IPPK: variants seen among roughly 807,000 people sequenced by gnomAD.
IPPK encodes IPK1 homolog.
In IPPK, 22 loss-of-function variants were observed where a neutral mutation model predicts 64.6. The observed-to-expected ratio is 0.34, with a 90% CI of 0.24 to 0.49. The LOEUF (loss-of-function observed/expected upper bound fraction) is 0.49. Ranked by LOEUF, IPPK falls within the 20% of genes least tolerant of loss-of-function variation. The pLI, the probability that IPPK is intolerant of heterozygous loss-of-function variation, is 0.99. For synonymous variants in IPPK, 262 were observed against 247.2 expected (o/e 1.06, Z -0.56); for missense variants, 532 against 630.7 (o/e 0.84, Z 1.68).
intron 4 of IPPK, among the ~76,000 whole-genome samples, chr9:92,650,672 G>A: frequency 6.6e-6 from 1 of 152,152 alleles, no homozygotes. Flanking sequence ...ATAACCATAA[G>A]TAAAACAGTG....
At position 92,635,361 on chromosome 9, in the gene IPPK, GA is replaced by G; in HGVS notation, c.917-54del. 1 of 1,580,582 alleles carries G rather than the reference GA, an allele frequency of 6.3e-7. No homozygotes were observed. The highest frequency in any genetic ancestry group is 8.6e-7 in the Non-Finnish European group (1 of 1,161,000). On this transcript the variant is annotated intron_variant, in intron 9 of 12. Transcript: ENST00000287996. The surrounding 1 kb of genome is among the most constrained non-coding windows in gnomAD (Gnocchi z 4.4). ...AGCATGTTGATTATCAAAGAACGTGGAGGGAGACACAGGCCGGCGCAGACCG... is the reference window on the plus strand; with the variant it reads ...AGCATGTTGATTATCAAAGAACGTGGGGGAGACACAGGCCGGCGCAGACCG...
intron 7 of IPPK, 54 bp downstream of exon 7, chr9:92,642,698 T>A: frequency 1.1e-4 from 153 of 1,383,740 alleles, no homozygotes; most frequent in Middle Eastern, 1.9e-4. Flanking sequence ...GCCCCCGCCC[T>A]ACCCATCTCC....
intron 8 of IPPK, among the ~76,000 whole-genome samples, chr9:92,639,333 G>A (rs1015873019): frequency 2.0e-5 from 3 of 152,210 alleles, no homozygotes; most frequent in Non-Finnish European, 4.4e-5. Flanking sequence ...ACAGGTGTGA[G>A]CCACTGCACC....
intron 3 of IPPK, 51 bp downstream of exon 3, chr9:92,656,403 AGT>A: frequency 9.1e-7 from 1 of 1,101,962 alleles, no homozygotes. Context: ...GGAAATTGGC[AGT>A]GTTGATGCAA....
At chr9:92,656,735 G>A (rs1291913467) in intron 2 of IPPK, among the ~76,000 whole-genome samples, 184 bp from the exon 3 acceptor site, 4 of 152,070 alleles carry the variant, frequency 2.6e-5, no homozygotes, top group Non-Finnish European at 4.4e-5. Flanking sequence ...CCTCACCAGC[G>A]TCCCTCCCCA....
intron 1 of IPPK, among the ~76,000 whole-genome samples, chr9:92,660,521 A>C (rs981354679): frequency 6.6e-6 from 1 of 152,234 alleles, no homozygotes; most frequent in African/African-American, 2.4e-5. Context: ...GAACTAACTC[A>C]TAAGCTGCAC....
chr9:92,629,264 A>G (rs1851789494), intron 11 of IPPK, among the ~76,000 whole-genome samples: 1 of 152,248 alleles, frequency 6.6e-6, no homozygotes, highest in Non-Finnish European at 1.5e-5. Flanking sequence ...TATGACACCA[A>G]AAGTATGAAC....
At position 92,637,997 on chromosome 9, in the gene IPPK, C is replaced by A; in HGVS notation, c.916+4G>T. On this transcript the variant is annotated splice_donor_region_variant and intron_variant, in intron 9 of 12. Transcript: ENST00000287996. ...CCGCCTACCTGGGGAAGGCTGGGCCCTACCTTGGCAGCGAAGGCTCCTACT... is the reference window on the plus strand; with the variant it reads ...CCGCCTACCTGGGGAAGGCTGGGCCATACCTTGGCAGCGAAGGCTCCTACT... The A allele has an allele frequency of 6.4e-7, 1 of 1,556,440 alleles. No homozygotes were observed. Among genetic ancestry groups the A allele is most frequent in the Non-Finnish European group, 8.7e-7 (1 of 1,150,098 alleles).
At chr9:92,632,882 C>A (rs1221301621) in intron 11 of IPPK, among the ~76,000 whole-genome samples, 1 of 152,252 alleles carries the variant, frequency 6.6e-6, no homozygotes, top group East Asian at 1.9e-4. Flanking sequence ...GGTCCCAGGG[C>A]TCCAGGCAGC....
chr9:92,633,434 T>C (rs1193241083), intron 11 of IPPK, among the ~76,000 whole-genome samples: 8 of 151,900 alleles, frequency 5.3e-5, no homozygotes. Context: ...AGCACAGCGG[T>C]ATGATCACAG....
In IPPK at chr9:92,615,396, T is replaced by G. The variant is rs1851401401; in HGVS notation, c.*436A>C. 2 of 179,534 alleles carry G rather than the reference T, an allele frequency of 1.1e-5. No homozygotes were observed. The highest frequency in any genetic ancestry group is 1.1e-4 in the Admixed American group (2 of 17,756). The allele number at this position is 179,534 out of a possible 1,614,324, so 11.1% of individuals were successfully genotyped here. ...ACCATGTAACTCAGCTGGGGGAAGT[T>G]CCAGTAGTATCCATGTTTTCTTAAA... is the stretch of plus-strand genomic sequence containing the variant. On this transcript the variant is annotated 3_prime_UTR_variant, in exon 13 of 13. Transcript: ENST00000287996.
intron 6 of IPPK, among the ~76,000 whole-genome samples, chr9:92,643,609 T>C (rs1390760125): frequency 6.6e-6 from 1 of 150,456 alleles, no homozygotes; most frequent in African/African-American, 2.4e-5. Flanking sequence ...AAAAAAAGCT[T>C]ATGTGCAAAT....
chr9:92,628,831 G>C (rs571380879), intron 11 of IPPK, among the ~76,000 whole-genome samples: 3 of 152,108 alleles, frequency 2.0e-5, no homozygotes, highest in Non-Finnish European at 2.9e-5. Context: ...AGTGAGCCAA[G>C]GTCGTGCCAC....
chr9:92,619,634 C>A, intron 11 of IPPK, 69 bp from the exon 12 acceptor site: 3 of 1,362,978 alleles, frequency 2.2e-6, no homozygotes, highest in Non-Finnish European at 2.0e-6. Flanking sequence ...AACCTTCCTT[C>A]CCAGTAGCCA....
chr9:92,636,546 C>CA (rs1432323564), intron 9 of IPPK, among the ~76,000 whole-genome samples: 2 of 152,086 alleles, frequency 1.3e-5, no homozygotes, highest in East Asian at 3.9e-4. Context: ...GAGGCTGAGG[C>CA]AGGAAGATCA....
At position 92,618,867 on chromosome 9, in the gene IPPK, G is replaced by A. The variant is rs138244015; in HGVS notation, c.1250+619C>T. On this transcript the variant is annotated intron_variant, in intron 12 of 12. Transcript: ENST00000287996. The stretch of plus-strand genomic sequence containing the variant: ...ATGTTAGAAGAATGTGGAACATTCC[G>A]CAAATACTGGGTGCAGGGTTTAGCA... 377 of 343,976 alleles carry A rather than the reference G, an allele frequency of 1.1e-3. 2 individuals carry two copies. The highest frequency in any genetic ancestry group is 7.2e-3 in the African/African-American group (336 of 46,682). The allele number at this position is 343,976 out of a possible 1,614,324, so 21.3% of individuals were successfully genotyped here.
chr9:92,617,228 A>G (rs1188238371), intron 12 of IPPK: 1 of 152,244 alleles, frequency 6.6e-6, no homozygotes, highest in Non-Finnish European at 1.5e-5. Context: ...AGCCCAAGGT[A>G]CTGCTCAGTT....
At chr9:92,669,671 A>G (rs1034724566) in intron 1 of IPPK, among the ~76,000 whole-genome samples, 12 of 151,148 alleles carry the variant, frequency 7.9e-5, no homozygotes, top group Non-Finnish European at 1.5e-5. Context: ...ACCGGCCAGG[A>G]GAAGGATCTG....
chr9:92,642,080 C>A (rs1852057899), intron 7 of IPPK, among the ~76,000 whole-genome samples: 1 of 152,240 alleles, frequency 6.6e-6, no homozygotes, highest in South Asian at 2.1e-4. Context: ...CCTGCTCCCA[C>A]CCTCAGCCCT....
Sources: allele counts gnomAD v4.1 joint callset (sites outside exome capture counted in the v4.1 genomes callset), GRCh38; gene constraint gnomAD v4.1.1; non-coding constraint Gnocchi (gnomAD v3.1); transcripts MANE v1.5; gene names NCBI Gene and HGNC (gene_info 2026-07-23, HGNC 2026-07-21).